The following RASAL2 variants were observed in gnomAD, a reference collection of about 807,000 sequenced individuals.
RASAL2 encodes ras GTPase-activating protein nGAP.
A neutral mutation model predicts 128.9 loss-of-function variants in RASAL2; 58 were observed. The ratio of observed to expected loss-of-function variants is 0.45; its 90% CI spans 0.36 to 0.56. The LOEUF is 0.56. Among genes scored for constraint, RASAL2 ranks in the 20% least tolerant of loss-of-function variants. The pLI is 0.00. For synonymous variants in RASAL2, 561 were observed against 580.8 expected (o/e 0.97, Z 0.49); for missense variants, 1,360 against 1,601.6 (o/e 0.85, Z 2.57).
In RASAL2 at chr1:178,235,075, A is replaced by T. The variant is rs546816412; in HGVS notation, c.203-48489A>T. On this transcript the variant is annotated intron_variant, in intron 1 of 17. Coordinates refer to ENST00000367649, the MANE Select transcript of RASAL2 (RefSeq NM_170692.4). Reference sequence around the variant, plus strand: ...ACCTAGAGGAAAATCTTCCTCCTTGATGTGCCTCTATTAACATTCCATTAA... The same window carrying T: ...ACCTAGAGGAAAATCTTCCTCCTTGTTGTGCCTCTATTAACATTCCATTAA... Among the ~76,000 whole-genome samples, 7 of 152,214 alleles carry T rather than the reference A, an allele frequency of 4.6e-5. No individual in the cohort carries two copies. In the South Asian group the frequency reaches 1.5e-3, roughly 32 times the overall value.
intron 2 of RASAL2, among the ~76,000 whole-genome samples, chr1:178,288,051 A>G (rs912852864): frequency 3.3e-5 from 5 of 152,256 alleles, no homozygotes; most frequent in Non-Finnish European, 5.9e-5. Context: ...TTAAATCACA[A>G]TTCAGTTAAG....
intron 1 of RASAL2, among the ~76,000 whole-genome samples, chr1:178,201,906 T>G (rs1198348714): frequency 6.6e-6 from 1 of 152,156 alleles, no homozygotes; most frequent in Non-Finnish European, 1.5e-5. Flanking sequence ...CAGAACCCCT[T>G]GAATGAAGGG....
Position 178,454,334 on chromosome 1 carries a change from TAGTC to T in RASAL2, c.2010-111_2010-108del, listed in dbSNP as rs142782948. 9,937 of 761,782 alleles carry T rather than the reference TAGTC, an allele frequency of 0.013. 594 individuals carry two copies. The African/African-American group carries it at 0.14, about 11-fold the overall frequency. 47.2% of individuals were successfully genotyped at this position (761,782 alleles called of 1,614,324 possible). ...ATCACTTATAGATAATAAACAAAAT[TAGTC>T]ATTCCCTCCACAAAATAAAAAAAAG... On this transcript the variant is annotated intron_variant, in intron 11 of 17. Coordinates refer to ENST00000367649, the MANE Select transcript of RASAL2 (RefSeq NM_170692.4).
Position 178,442,911 on chromosome 1 carries a change from A to T in RASAL2, c.1164A>T (p.Lys388Asn). 2.5e-6 allele frequency: 4 copies of T among 1,613,832 alleles called. No homozygotes were observed. The highest frequency in any genetic ancestry group is 2.2e-5 in the South Asian group (2 of 91,064). ...HIYKDVEKKK[K>N]KDKNNYVGLV... ...ACAAGGATGTGGAAAAAAAGAAAAAAAAGGACAAGAATAATTATGTAGGGC... is the reference window on the plus strand; with the variant it reads ...ACAAGGATGTGGAAAAAAAGAAAAATAAGGACAAGAATAATTATGTAGGGC... The change falls in exon 8 of 18, where the codon AAA (lysine) becomes AAT (asparagine). Residue 388 changes from lysine (K) to asparagine (N), a missense_variant. This residue lies in a region of RASAL2 where 617 missense variants were observed against 714.2 expected (regional missense o/e 0.86). Transcript: ENST00000367649.
chr1:178,317,290 A>G (rs1326832707), intron 3 of RASAL2, among the ~76,000 whole-genome samples: 3 of 144,762 alleles, frequency 2.1e-5, no homozygotes, highest in African/African-American at 5.4e-5. Flanking sequence ...TTGGTATCAG[A>G]ATGATGCTGG....
chr1:178,283,443 C>T, intron 1 of RASAL2, 121 bp from the exon 2 acceptor site: 12 of 1,192,810 alleles, frequency 1.0e-5, no homozygotes, highest in East Asian at 5.0e-5. Context: ...TTAAATTTAC[C>T]ATTGAGATTC....
At chr1:178,247,470 T>C (rs1171382572) in intron 1 of RASAL2, among the ~76,000 whole-genome samples, 1 of 152,190 alleles carries the variant, frequency 6.6e-6, no homozygotes, top group Non-Finnish European at 1.5e-5. Flanking sequence ...TTCTCTCTTA[T>C]TAGTCTATCT....
chr1:178,210,070 AC>A (rs1663200702), intron 1 of RASAL2, among the ~76,000 whole-genome samples: 1 of 151,766 alleles, frequency 6.6e-6, no homozygotes, highest in South Asian at 2.1e-4. Flanking sequence ...CTGTTAGGTC[AC>A]TTTACTCTTC....
intron 4 of RASAL2, among the ~76,000 whole-genome samples, chr1:178,411,170 AC>A (rs1674352822): frequency 3.7e-3 from 13 of 3,524 alleles, no homozygotes; most frequent in Admixed American, 5.4e-3. Context: ...GTGTGTACAC[AC>A]ACACACACAC....
rs188575482 is a variant in RASAL2, at chr1:178,357,164, T to A, written c.458-32936T>A. ...TAGCCTTGCAAATTTGTTCAGCCTG[T>A]CTTTTGCTATTTGAAGCTTTTAATT... On this transcript the variant is annotated intron_variant, in intron 3 of 17. Transcript: ENST00000367649. Among the ~76,000 whole-genome samples, 22 of 152,352 alleles carry A rather than the reference T, an allele frequency of 1.4e-4. No homozygotes were observed. The East Asian group carries it at 2.9e-3, about 20-fold the overall frequency.
intron 3 of RASAL2, among the ~76,000 whole-genome samples, chr1:178,322,991 C>G (rs1668866320): frequency 6.6e-6 from 1 of 152,204 alleles, no homozygotes; most frequent in East Asian, 1.9e-4. Flanking sequence ...GAATATCTTG[C>G]TCTGTTTTTC....
chr1:178,221,674 G>A (rs998202690), intron 1 of RASAL2, among the ~76,000 whole-genome samples: 1 of 152,126 alleles, frequency 6.6e-6, no homozygotes, highest in Admixed American at 6.5e-5. Context: ...TTATGACCTA[G>A]AATGTGGCCT....
intron 1 of RASAL2, among the ~76,000 whole-genome samples, chr1:178,259,177 T>C (rs1665535628): frequency 8.0e-6 from 1 of 125,038 alleles, no homozygotes; most frequent in Admixed American, 1.0e-4. Flanking sequence ...GTGGCCCAGG[T>C]GGGAGTGCAG....
At chr1:178,202,335 G>T (rs965907381) in intron 1 of RASAL2, among the ~76,000 whole-genome samples, 8 of 152,272 alleles carry the variant, frequency 5.3e-5, no homozygotes, top group Admixed American at 2.0e-4. Flanking sequence ...TGCACTGATG[G>T]CCTCATGGGG....
At chr1:178,355,859 A>G (rs190483976) in intron 3 of RASAL2, among the ~76,000 whole-genome samples, 1 of 152,360 alleles carries the variant, frequency 6.6e-6, no homozygotes, top group Admixed American at 6.5e-5. Context: ...AGCCTTATCA[A>G]GGAATCCCAA....
intron 1 of RASAL2, among the ~76,000 whole-genome samples, chr1:178,170,711 T>C (rs1661678251): frequency 6.6e-6 from 1 of 151,650 alleles, no homozygotes; most frequent in Non-Finnish European, 1.5e-5. Context: ...CATGAGCTCT[T>C]ATCTATCTAT....
In RASAL2 at chr1:178,466,718, C is replaced by T. The variant is rs528464477; in HGVS notation, c.3590+596C>T. On this transcript the variant is annotated intron_variant, in intron 16 of 17. Transcript: ENST00000367649. ...ACTTGCCCAAGGTCACATAGTGATG[C>T]ACCAGGATTTGAATCCCGGACTCCA... Among the ~76,000 whole-genome samples the T allele has an allele frequency of 2.6e-5, 4 of 152,340 alleles. No homozygotes were observed. In the East Asian group the frequency reaches 7.7e-4, roughly 29 times the overall value.
chr1:178,107,483 T>A (rs1659136729), intron 1 of RASAL2, among the ~76,000 whole-genome samples: 1 of 152,090 alleles, frequency 6.6e-6, no homozygotes, highest in African/African-American at 2.4e-5. Flanking sequence ...ATATAGCAAA[T>A]TTTCATTTTA....
intron 3 of RASAL2, among the ~76,000 whole-genome samples, chr1:178,362,612 T>C (rs967707169): frequency 6.6e-6 from 1 of 152,122 alleles, no homozygotes; most frequent in South Asian, 2.1e-4. Flanking sequence ...AGCTGCAAAC[T>C]TTATACCCTT....
Sources: allele counts gnomAD v4.1 joint callset (sites outside exome capture counted in the v4.1 genomes callset), GRCh38; gene constraint gnomAD v4.1.1; regional missense constraint gnomAD v4.1.1; transcripts MANE v1.5; gene names NCBI Gene and HGNC (gene_info 2026-07-23, HGNC 2026-07-21).